MPPED2: variants seen among roughly 807,000 people sequenced by gnomAD.
MPPED2 encodes the protein metallophosphoesterase MPPED2.
A neutral mutation model predicts 33.0 loss-of-function variants in MPPED2; 5 were observed. The ratio of observed to expected loss-of-function variants is 0.15; its 90% confidence interval spans 0.08 to 0.32. The LOEUF (loss-of-function observed/expected upper bound fraction) is 0.32. MPPED2 is among the 10% of genes least tolerant of loss of function. MPPED2 has a pLI of 1.00. For synonymous variants in MPPED2, 136 were observed against 141.9 expected, an observed-to-expected ratio of 0.96 and a Z score of 0.29; for missense variants, 275 against 372.1, an observed-to-expected ratio of 0.74 and a Z score of 2.15.
At chr11:30,568,313 T>C (rs1956536597) in intron 2 of MPPED2, among the ~76,000 whole-genome samples, 1 of 152,220 alleles carries the variant, frequency 6.6e-6, no homozygotes, top group Admixed American at 6.5e-5. Context: ...CCCAGATTTC[T>C]GCTTAGCAAC....
intron 4 of MPPED2, among the ~76,000 whole-genome samples, chr11:30,439,933 G>T (rs1949490565): frequency 6.6e-6 from 1 of 152,174 alleles, no homozygotes; most frequent in South Asian, 2.1e-4. Context: ...AATCCTACAG[G>T]CAGAATTAGC....
chr11:30,482,671 G>A (rs1364450806), intron 4 of MPPED2, among the ~76,000 whole-genome samples: 1 of 152,134 alleles, frequency 6.6e-6, no homozygotes, highest in Admixed American at 6.6e-5. Context: ...CAAAGAGAAT[G>A]AATTTTCTCT....
At chr11:30,527,221 C>A (rs1177131653) in intron 3 of MPPED2, among the ~76,000 whole-genome samples, 1 of 152,068 alleles carries the variant, frequency 6.6e-6, no homozygotes, top group East Asian at 1.9e-4. Flanking sequence ...TGAGCCACCG[C>A]GCCCGGCCTC....
At chr11:30,514,451 C>G (rs890967980) in intron 3 of MPPED2, among the ~76,000 whole-genome samples, 7 of 152,110 alleles carry the variant, frequency 4.6e-5, no homozygotes, top group African/African-American at 1.7e-4. Flanking sequence ...AACCCGAGTT[C>G]CTGGTATCAT....
chr11:30,485,069 G>C (rs983118118), intron 4 of MPPED2, among the ~76,000 whole-genome samples: 7 of 152,084 alleles, frequency 4.6e-5, no homozygotes, highest in African/African-American at 1.7e-4. Context: ...AGCATTCACC[G>C]AGTGCCAGGA....
At chr11:30,420,602 G>A (rs1300451366) in intron 4 of MPPED2, among the ~76,000 whole-genome samples, 1 of 152,166 alleles carries the variant, frequency 6.6e-6, no homozygotes, top group Non-Finnish European at 1.5e-5. Flanking sequence ...ATGGCACATG[G>A]TCAGTCAACA....
At chr11:30,433,592 A>T (rs947726460) in intron 4 of MPPED2, among the ~76,000 whole-genome samples, 2 of 152,228 alleles carry the variant, frequency 1.3e-5, no homozygotes, top group Non-Finnish European at 2.9e-5. Flanking sequence ...ATGTCACTTT[A>T]GGAAACATTA....
chr11:30,409,920 C>T (rs1290169490), downstream of MPPED2, among the ~76,000 whole-genome samples: 1 of 152,028 alleles, frequency 6.6e-6, no homozygotes, highest in East Asian at 1.9e-4. Flanking sequence ...CACAAACTTG[C>T]CCAAAATAAA....
chr11:30,438,151 T>C (rs182880074), intron 4 of MPPED2, among the ~76,000 whole-genome samples: 1 of 152,208 alleles, frequency 6.6e-6, no homozygotes, highest in Non-Finnish European at 1.5e-5. Flanking sequence ...TATTGAGCCC[T>C]ACTATGTGTC....
rs1385147590 is a variant in MPPED2 at position 30,586,265 on chromosome 11, A to G, written c.-345T>C. The G allele has an allele frequency of 6.5e-6, 1 of 153,218 alleles. No homozygotes were observed. The highest frequency in any genetic ancestry group is 2.4e-5 in the African/African-American group (1 of 41,406). The allele number at this position is 153,218 out of a possible 1,614,324, so 9.5% of individuals were successfully genotyped here. A position where few individuals can be genotyped will look rare whatever the true frequency, so the allele number is the denominator to read the frequency against. ...GGGAGGCGGGGGGAGAAAGGACCCGAGCAGCCTCGATCTGGGGAGAGAGCG... is the reference window on the plus strand; with the variant it reads ...GGGAGGCGGGGGGAGAAAGGACCCGGGCAGCCTCGATCTGGGGAGAGAGCG... On this transcript the variant is annotated 5_prime_UTR_variant, in exon 1 of 7. Coordinates refer to ENST00000358117, the MANE Select transcript of MPPED2 (RefSeq NM_001584.3). This position sits in a 1 kb window ranked among gnomAD's most constrained non-coding sequence, Gnocchi z 4.8.
intron 4 of MPPED2, among the ~76,000 whole-genome samples, chr11:30,423,638 C>T (rs1029724878): frequency 1.3e-5 from 2 of 152,116 alleles, no homozygotes; most frequent in Non-Finnish European, 2.9e-5. Flanking sequence ...TCCAGACTGG[C>T]CAATTATTGG....
At chr11:30,393,900 C>A (rs1947809395) in intron 6 of MPPED2, among the ~76,000 whole-genome samples, 1 of 152,160 alleles carries the variant, frequency 6.6e-6, no homozygotes, top group South Asian at 2.1e-4. Context: ...GGATACAAAA[C>A]AATTTTGTCA....
intron 2 of MPPED2, among the ~76,000 whole-genome samples, chr11:30,544,870 A>G (rs1955324944): frequency 6.6e-6 from 1 of 152,238 alleles, no homozygotes; most frequent in African/African-American, 2.4e-5. Flanking sequence ...TTAGGAGCTC[A>G]GAAAAAAGAC....
At chr11:30,581,601 AT>A (rs1957170354) in intron 1 of MPPED2, among the ~76,000 whole-genome samples, 1 of 152,222 alleles carries the variant, frequency 6.6e-6, no homozygotes, top group African/African-American at 2.4e-5. Flanking sequence ...GCTATTTCAA[AT>A]AAAAATATTT....
At chr11:30,456,445 G>T (rs1004359752) in intron 4 of MPPED2, among the ~76,000 whole-genome samples, 1 of 152,122 alleles carries the variant, frequency 6.6e-6, no homozygotes, top group Non-Finnish European at 1.5e-5. Context: ...AGATGTTGGG[G>T]TCACATTCCA....
At chr11:30,452,158 G>A (rs1950089727) in intron 4 of MPPED2, 1 of 907,208 alleles carries the variant, frequency 1.1e-6, no homozygotes, top group Non-Finnish European at 1.3e-6. Flanking sequence ...CACTGCCTAA[G>A]ACTAAACTCC....
At chr11:30,473,259 T>C (rs1250285545) in intron 4 of MPPED2, among the ~76,000 whole-genome samples, 3 of 152,232 alleles carry the variant, frequency 2.0e-5, no homozygotes, top group Non-Finnish European at 2.9e-5. Context: ...ATTTATTTTC[T>C]CAGCTTGTTT....
At chr11:30,463,709 C>T (rs1950595777) in intron 4 of MPPED2, among the ~76,000 whole-genome samples, 1 of 152,154 alleles carries the variant, frequency 6.6e-6, no homozygotes, top group Non-Finnish European at 1.5e-5. Flanking sequence ...ATCTCTAAAG[C>T]CATATCTACC....
intron 3 of MPPED2, among the ~76,000 whole-genome samples, chr11:30,534,352 A>G (rs1954694695): frequency 6.6e-6 from 1 of 152,232 alleles, no homozygotes; most frequent in Non-Finnish European, 1.5e-5. Flanking sequence ...GAAAGTTGCT[A>G]AAATAAAGAG....
Sources: allele counts gnomAD v4.1 joint callset (sites outside exome capture counted in the v4.1 genomes callset), GRCh38; gene constraint gnomAD v4.1.1; non-coding constraint Gnocchi (gnomAD v3.1); transcripts MANE v1.5; gene names NCBI Gene and HGNC (gene_info 2026-07-23, HGNC 2026-07-21).